KIAA1958: variants seen among roughly 807,000 people sequenced by gnomAD.
KIAA1958 encodes KIAA1958, also known as uncharacterized protein KIAA1958.
Under a neutral mutation model 47.2 loss-of-function variants are expected in KIAA1958, and 14 were observed. That is an observed-to-expected ratio of 0.30 (90% CI 0.20 to 0.46). The LOEUF (loss-of-function observed/expected upper bound fraction) is 0.46. KIAA1958 is among the 20% of genes least tolerant of loss of function. The pLI is 1.00. For missense variants in KIAA1958, 803 were observed against 909.2 expected (o/e 0.88, Z 1.50); for synonymous variants, 354 against 353.3 (o/e 1.00, Z -0.02).
At chr9:112,565,899 A>ATTAT (rs890584393) in intron 1 of KIAA1958, among the ~76,000 whole-genome samples, 64 of 152,112 alleles carry the variant, frequency 4.2e-4, no homozygotes, top group Non-Finnish European at 5.9e-4. Flanking sequence ...CTACCTTTTG[A>ATTAT]TTATTTATTT....
At chr9:112,528,700 C>T (rs948587505) in intron 1 of KIAA1958, among the ~76,000 whole-genome samples, 2 of 151,028 alleles carry the variant, frequency 1.3e-5, no homozygotes, top group South Asian at 2.1e-4. Context: ...TTGTATTTTT[C>T]GTAGAGATGG....
intron 1 of KIAA1958, among the ~76,000 whole-genome samples, chr9:112,505,103 C>T (rs1834211364): frequency 6.6e-6 from 1 of 152,182 alleles, no homozygotes; most frequent in South Asian, 2.1e-4. Context: ...TCCATGTGGT[C>T]AAGTTTTTTA....
chr9:112,530,025 A>G (rs1834727114), intron 1 of KIAA1958, among the ~76,000 whole-genome samples: 1 of 151,844 alleles, frequency 6.6e-6, no homozygotes, highest in Non-Finnish European at 1.5e-5. Context: ...TTGTTTTTTT[A>G]GTGGAGACAG....
At chr9:112,573,384 T>TC (rs1835572490) in intron 1 of KIAA1958, among the ~76,000 whole-genome samples, 1 of 152,150 alleles carries the variant, frequency 6.6e-6, no homozygotes, top group Admixed American at 6.5e-5. Context: ...CGCTTCCCCA[T>TC]CCTTGCTTCT....
At chr9:112,488,115 A>G (rs148657357) in intron 1 of KIAA1958, among the ~76,000 whole-genome samples, 2,010 of 152,318 alleles carry the variant, frequency 0.013, 18 homozygotes, top group Middle Eastern at 0.041. Flanking sequence ...TTGGAGTGCA[A>G]TAAACAATGA....
chr9:112,508,971 A>T (rs968351478), intron 1 of KIAA1958, among the ~76,000 whole-genome samples: 4 of 152,244 alleles, frequency 2.6e-5, no homozygotes, highest in African/African-American at 9.6e-5. Flanking sequence ...AAAGAAAATT[A>T]TTTGATAAAG....
In KIAA1958 at chr9:112,574,841, C is replaced by T. The variant is rs1284572141; in HGVS notation, c.761C>T (p.Pro254Leu). 1.2e-6 allele frequency: 2 copies of T among 1,614,156 alleles called. No individual in the cohort carries two copies. The highest frequency in any genetic ancestry group is 8.5e-7 in the Non-Finnish European group (1 of 1,180,030). ...TGTGTAGGGTCTGCTAAACTGATTCCCCATGTCACATCTGCCATCAGCACG... is the reference window on the plus strand; with the variant it reads ...TGTGTAGGGTCTGCTAAACTGATTCTCCATGTCACATCTGCCATCAGCACG... ...PSCVGSAKLIPHVTSAISTEL... is the reference protein window; with the variant it reads ...PSCVGSAKLILHVTSAISTEL... Residue 254 changes from proline to leucine, a missense_variant, in exon 2 of 4, where the codon CCC becomes CTC. Coordinates refer to ENST00000337530, the MANE Select transcript of KIAA1958 (RefSeq NM_133465.4).
intron 1 of KIAA1958, among the ~76,000 whole-genome samples, chr9:112,490,767 G>A (rs1359524167): frequency 6.6e-6 from 1 of 152,180 alleles, no homozygotes; most frequent in African/African-American, 2.4e-5. Flanking sequence ...TAAACAGTTG[G>A]AGAGCTTTTT....
At chr9:112,612,257 CAT>C (rs1836339977) in intron 2 of KIAA1958, among the ~76,000 whole-genome samples, 1 of 151,398 alleles carries the variant, frequency 6.6e-6, no homozygotes, top group Non-Finnish European at 1.5e-5. Context: ...AAAAAAAAAA[CAT>C]GTATTTTTTT....
At chr9:112,511,360 T>G (rs1834322554) in intron 1 of KIAA1958, among the ~76,000 whole-genome samples, 2 of 152,134 alleles carry the variant, frequency 1.3e-5, no homozygotes, top group Non-Finnish European at 2.9e-5. Context: ...GTCACTGGAT[T>G]AGGGAGATGA....
intron 2 of KIAA1958, among the ~76,000 whole-genome samples, chr9:112,594,269 GAT>G (rs759770022): frequency 5.0e-4 from 76 of 152,242 alleles, no homozygotes; most frequent in Non-Finnish European, 1.2e-4. Context: ...AATTTACAGA[GAT>G]ATAATCCATA....
At position 112,541,941 on chromosome 9, in the gene KIAA1958, G is replaced by C. The variant is rs557330850; in HGVS notation, c.-24-32116G>C. ...GGGCCGATGTGTGTTGGAGATAAGA[G>C]CTCTTCTACAAGGAAGTATGCCTAT... is the stretch of plus-strand genomic sequence containing the variant. On this transcript the variant is annotated intron_variant, in intron 1 of 3. Transcript: ENST00000337530. Among the ~76,000 whole-genome samples, 64 of 152,280 alleles carry C rather than the reference G, an allele frequency of 4.2e-4. 1 individual carries two copies. The South Asian group carries it at 0.013, about 32-fold the overall frequency.
At chr9:112,583,412 G>C (rs755683688) in intron 2 of KIAA1958, among the ~76,000 whole-genome samples, 1 of 152,200 alleles carries the variant, frequency 6.6e-6, no homozygotes. Flanking sequence ...ACTTTGGAGA[G>C]CAATTTACAA....
chr9:112,570,741 C>T (rs1835517791), intron 1 of KIAA1958, among the ~76,000 whole-genome samples: 1 of 152,134 alleles, frequency 6.6e-6, no homozygotes, highest in South Asian at 2.1e-4. Context: ...TGCATATATA[C>T]ATGAGAGGGC....
At chr9:112,597,439 G>A (rs1686958453) in intron 2 of KIAA1958, among the ~76,000 whole-genome samples, 1 of 152,198 alleles carries the variant, frequency 6.6e-6, no homozygotes, top group African/African-American at 2.4e-5. Context: ...TTTGATCCAG[G>A]TGGTTTGATT....
intron 1 of KIAA1958, among the ~76,000 whole-genome samples, chr9:112,548,622 C>T (rs974454683): frequency 6.6e-6 from 1 of 152,142 alleles, no homozygotes; most frequent in Non-Finnish European, 1.5e-5. Flanking sequence ...ATTGTAAGCT[C>T]TGCGAGGACA....
At chr9:112,602,997 T>C (rs916127742) in intron 2 of KIAA1958, among the ~76,000 whole-genome samples, 3 of 152,198 alleles carry the variant, frequency 2.0e-5, no homozygotes, top group Admixed American at 6.6e-5. Flanking sequence ...CAAATACTTA[T>C]TGAATCCTAC....
intron 1 of KIAA1958, among the ~76,000 whole-genome samples, chr9:112,539,927 A>G (rs1834913619): frequency 1.3e-5 from 2 of 152,082 alleles, no homozygotes; most frequent in African/African-American, 4.8e-5. Context: ...CTGACCTCAA[A>G]TGATTCACCT....
intron 2 of KIAA1958, among the ~76,000 whole-genome samples, chr9:112,597,972 A>G (rs532376826): frequency 2.0e-5 from 3 of 152,356 alleles, no homozygotes; most frequent in African/African-American, 4.8e-5. Flanking sequence ...CTTGCATTCT[A>G]GTCTGGGCTC....
Sources: allele counts gnomAD v4.1 joint callset (sites outside exome capture counted in the v4.1 genomes callset), GRCh38; gene constraint gnomAD v4.1.1; transcripts MANE v1.5; gene names NCBI Gene and HGNC (gene_info 2026-07-23, HGNC 2026-07-21).